The following GNAT2 variants were observed in gnomAD, a reference collection of about 807,000 sequenced individuals.
GNAT2 encodes guanine nucleotide-binding protein G(t) subunit alpha-2.
Under a neutral mutation model 40.9 loss-of-function variants are expected in GNAT2, and 32 were observed. That is an observed-to-expected ratio of 0.78 (90% confidence interval 0.59 to 1.05). The LOEUF is 1.05. Among genes scored for constraint, GNAT2 ranks in the 50% least tolerant of loss-of-function variants. GNAT2 has a pLI of 0.00. For synonymous variants in GNAT2, 141 were observed against 157.2 expected (o/e 0.90, Z 0.77); for missense variants, 355 against 431.5 (o/e 0.82, Z 1.57).
intron 1 of GNAT2, chr1:109,614,871 C>G (rs889658046): frequency 3.3e-5 from 5 of 152,196 alleles, no homozygotes; most frequent in African/African-American, 1.2e-4. Context: ...TTTTCCCAAT[C>G]AAATTGGCAA....
At chr1:109,604,912 C>T (rs936966627) in intron 7 of GNAT2, 15 of 152,294 alleles carry the variant, frequency 9.8e-5, no homozygotes, top group African/African-American at 3.6e-4. Context: ...GTCTCATAGA[C>T]TTTAATAAAC....
chr1:109,603,847 A>G (rs1240707795), intron 8 of GNAT2, 104 bp downstream of exon 8: 3 of 882,324 alleles, frequency 3.4e-6, no homozygotes, highest in African/African-American at 3.3e-5. Flanking sequence ...ACTGTGCCCA[A>G]GGTTCTCCCT....
Position 109,605,962 on chromosome 1 carries a change from C to T in GNAT2, c.720+8G>A, listed in dbSNP as rs566052246. 1.2e-6 allele frequency: 2 copies of T among 1,612,934 alleles called. No homozygotes were observed. The highest frequency in any genetic ancestry group is 2.2e-5 in the East Asian group (1 of 44,876). On this transcript the variant is annotated splice_region_variant and intron_variant, in intron 7 of 8. Transcript: ENST00000679935. ...CTACCAAAGCTGCTTGATGCAAAGGCCACTCACCACTTCGTCATCTTCCAC... is the reference window on the plus strand; with the variant it reads ...CTACCAAAGCTGCTTGATGCAAAGGTCACTCACCACTTCGTCATCTTCCAC...
Position 109,604,039 on chromosome 1 carries a change from A to G in GNAT2, c.786T>C (p.Thr262=), listed in dbSNP as rs1649517980. 1 of 1,608,998 alleles carries G rather than the reference A, an allele frequency of 6.2e-7. No individual in the cohort carries two copies. Among genetic ancestry groups the G allele is most frequent in the Non-Finnish European group, 8.5e-7 (1 of 1,175,260 alleles). The change falls in exon 8 of 9, where the codon ACT becomes ACC. Residue 262 remains threonine, a synonymous_variant. Transcript: ENST00000679935. ...SICNHKFFAA[T]SIVLFLNKKD... ...TCTTGTTGAGAAAGAGGACAATGGA[A>G]GTAGCCGCAAAGAATTTGTGGTTAC...
In GNAT2 at chr1:109,606,371, C is replaced by T. The variant is rs374210835; in HGVS notation, c.527G>A (p.Arg176Gln). 3.9e-5 allele frequency: 63 copies of T among 1,610,970 alleles called. No individual in the cohort carries two copies. The highest frequency in any genetic ancestry group is 4.5e-5 in the East Asian group (2 of 44,880). The change falls in exon 6 of 9, where the codon CGA becomes CAA. Residue 176 changes from arginine (R) to glutamine (Q), a missense_variant. By Grantham distance (43) the Arg-to-Gln change is conservative (BLOSUM62 1). Transcript: ENST00000679935. ...EYLPSEQDVL[R>Q]SRVKTTGIIE... Reference sequence around the variant, plus strand: ...GATGCCCGTGGTTTTGACTCTGGATCGGAGCACATCTTGCTCACTAGGGAG... The same window carrying T: ...GATGCCCGTGGTTTTGACTCTGGATTGGAGCACATCTTGCTCACTAGGGAG...
At chr1:109,612,367 G>A (rs566721132) in intron 2 of GNAT2, 33 of 314,510 alleles carry the variant, frequency 1.0e-4, no homozygotes, top group Non-Finnish European at 1.9e-4. Flanking sequence ...GGTGAGGGAA[G>A]GTCCTGTTCT....
intron 7 of GNAT2, chr1:109,604,977 C>G (rs1322673078): frequency 6.6e-6 from 1 of 152,168 alleles, no homozygotes; most frequent in Non-Finnish European, 1.5e-5. Context: ...AGACTGTAAT[C>G]TTTAGGCTTA....
At chr1:109,610,970 A>T in intron 2 of GNAT2, 1 of 196,572 alleles carries the variant, frequency 5.1e-6, no homozygotes, top group Non-Finnish European at 1.1e-5. Flanking sequence ...AGAGAGCTGG[A>T]TCATTTCACC....
rs770564093 is a variant in GNAT2, at chr1:109,608,628, T to C, written c.461+3A>G. ...AACCCACCCTCTCACCAGTCAGTCT[T>C]ACTAAGATGCGGAGTCATTAAGCTG... On this transcript the variant is annotated splice_donor_region_variant and intron_variant, in intron 5 of 8. Transcript: ENST00000679935. The C allele has an allele frequency of 8.1e-6, 13 of 1,613,398 alleles. No individual in the cohort carries two copies. The highest frequency in any genetic ancestry group is 7.6e-6 in the Non-Finnish European group (9 of 1,179,430).
At position 109,606,344 on chromosome 1, in the gene GNAT2, A is replaced by G. The variant is rs370869387; in HGVS notation, c.554T>C (p.Ile185Thr). The G allele has an allele frequency of 8.1e-6, 13 of 1,613,398 alleles. No individual in the cohort carries two copies. Among genetic ancestry groups the G allele is most frequent in the South Asian group, 2.2e-5 (2 of 91,076 alleles). The change falls in exon 6 of 9, where the codon ATT (isoleucine) becomes ACT (threonine). Residue 185 changes from isoleucine (I) to threonine (T), a missense_variant. By Grantham distance (89) the Ile-to-Thr change is moderately conservative. Transcript: ENST00000679935. ...LRSRVKTTGI[I>T]ETKFSVKDLN... ...GTCTTTGACGGAAAACTTGGTTTCA[A>G]TGATGCCCGTGGTTTTGACTCTGGA... is the stretch of plus-strand genomic sequence containing the variant.
Position 109,604,028 on chromosome 1 carries a change from A to AG in GNAT2, c.796dup (p.Leu266ProfsTer10). On this transcript the variant is annotated frameshift_variant, in exon 8 of 9. Transcript: ENST00000679935. LOFTEE classifies it high-confidence loss of function. Reference sequence around the variant, plus strand: ...AAAGAGGTCCTTCTTGTTGAGAAAGAGGACAATGGAAGTAGCCGCAAAGAA... The same window carrying AG: ...AAAGAGGTCCTTCTTGTTGAGAAAGAGGGACAATGGAAGTAGCCGCAAAGAA... 6.2e-7 allele frequency: 1 copy of AG among 1,609,050 alleles called. No individual in the cohort carries two copies. The highest frequency in any genetic ancestry group is 8.5e-7 in the Non-Finnish European group (1 of 1,175,336).
Position 109,610,192 on chromosome 1 carries a change from C to T in GNAT2, c.162-11G>A. On this transcript the variant is annotated splice_polypyrimidine_tract_variant and intron_variant, in intron 3 of 8. Transcript: ENST00000679935. Reference sequence around the variant, plus strand: ...TCCTGGTGAATGATCCTGCAAGGGGCAGACACTCTGTCTTTAGCTGGACCT... The same window carrying T: ...TCCTGGTGAATGATCCTGCAAGGGGTAGACACTCTGTCTTTAGCTGGACCT... 1 of 1,613,830 alleles carries T rather than the reference C, an allele frequency of 6.2e-7. No individual in the cohort carries two copies. Among genetic ancestry groups the T allele is most frequent in the Non-Finnish European group, 8.5e-7 (1 of 1,179,764 alleles).
chr1:109,613,346 T>C (rs1361807328), intron 1 of GNAT2: 1 of 226,248 alleles, frequency 4.4e-6, no homozygotes, highest in African/African-American at 2.3e-5. Flanking sequence ...GCATTCCTTA[T>C]GTTGAGCCTC....
At chr1:109,617,930 C>A (rs544548148) in intron 1 of GNAT2, 1 of 152,260 alleles carries the variant, frequency 6.6e-6, no homozygotes, top group Admixed American at 6.5e-5. Context: ...CCATCAGCCT[C>A]AAAATCCCTA....
intron 4 of GNAT2, 124 bp downstream of exon 4, chr1:109,609,916 G>A: frequency 1.1e-6 from 1 of 936,202 alleles, no homozygotes; most frequent in South Asian, 1.3e-5. Flanking sequence ...ATCCCACCCA[G>A]CAGGTGGGAT....
At chr1:109,607,688 T>G (rs990554206) in intron 5 of GNAT2, 12 of 152,176 alleles carry the variant, frequency 7.9e-5, no homozygotes, top group African/African-American at 2.9e-4. Context: ...ATATTCAGCT[T>G]TGTAGTCAAG....
In GNAT2 at chr1:109,606,408, C is replaced by G; in HGVS notation, c.490G>C (p.Asp164His). Residue 164 changes from aspartate to histidine, a missense_variant, in exon 6 of 9, where the codon GAC becomes CAC. Asp to His is a moderately conservative substitution (Grantham distance 81). Transcript: ENST00000679935. ...TGCTCACTAGGGAGGTACTCAGGGT[C>G]TGTAATTCGTTCTAATTGGTTCAGG... ...YYLNQLERIT[D>H]PEYLPSEQDV... The G allele has an allele frequency of 6.2e-7, 1 of 1,612,796 alleles. No individual in the cohort carries two copies. Among genetic ancestry groups the G allele is most frequent in the Non-Finnish European group, 8.5e-7 (1 of 1,178,810 alleles).
chr1:109,606,616 G>A (rs1649605856), intron 5 of GNAT2, 180 bp from the exon 6 acceptor site: 1 of 605,900 alleles, frequency 1.7e-6, no homozygotes, highest in Non-Finnish European at 3.0e-6. Context: ...TAGAGGAAAT[G>A]GGGGATGGAC....
At chr1:109,605,896 T>C (rs1370872399) in intron 7 of GNAT2, 74 bp downstream of exon 7, 5 of 1,356,370 alleles carry the variant, frequency 3.7e-6, no homozygotes, top group Non-Finnish European at 5.3e-6. Flanking sequence ...GGCAGTAGAG[T>C]GACACAAGGC....
Sources: allele counts gnomAD v4.1 joint callset, GRCh38; gene constraint gnomAD v4.1.1; transcripts MANE v1.5; gene names NCBI Gene and HGNC (gene_info 2026-07-23, HGNC 2026-07-21).